The following TEX9 variants were observed in gnomAD, a reference collection of about 807,000 sequenced individuals.
TEX9 encodes testis expressed 9.
Under a neutral mutation model 59.6 loss-of-function variants are expected in TEX9, and 74 were observed. The ratio of observed to expected loss-of-function variants is 1.24; its 90% CI spans 1.03 to 1.51. The LOEUF (loss-of-function observed/expected upper bound fraction) is 1.51. TEX9 is among the 40% of genes most tolerant of loss of function. The pLI is 0.00. For synonymous variants in TEX9, 186 were observed against 152.2 expected (o/e 1.22, Z -1.64); for missense variants, 522 against 447.8 (o/e 1.17, Z -1.49).
At chr15:56,348,072 G>A (rs1355618011) in intron 1 of TEX9, among the ~76,000 whole-genome samples, 4 of 152,078 alleles carry the variant, frequency 2.6e-5, no homozygotes, top group African/African-American at 9.7e-5. Context: ...CTGTATCGAT[G>A]TCAGTATCCT....
chr15:56,444,411 T>C (rs2050871677), intron 12 of TEX9: 1 of 1,563,092 alleles, frequency 6.4e-7, no homozygotes, highest in African/African-American at 1.4e-5. Flanking sequence ...AAAGTAAACA[T>C]TTAGACATGT....
intron 12 of TEX9, among the ~76,000 whole-genome samples, chr15:56,440,809 C>T (rs2050804074): frequency 6.6e-6 from 1 of 152,114 alleles, no homozygotes; most frequent in South Asian, 2.1e-4. Context: ...TTAGCATGAT[C>T]AGTCTGTCAT....
chr15:56,411,388 A>C (rs1436556531), intron 9 of TEX9, among the ~76,000 whole-genome samples: 2 of 149,846 alleles, frequency 1.3e-5, no homozygotes, highest in Non-Finnish European at 2.9e-5. Flanking sequence ...ATGTCTCTCA[A>C]GGTGCTATAC....
rs181870349 is a variant in TEX9, at chr15:56,419,965, C to G, written c.963+7529C>G. The stretch of plus-strand genomic sequence containing the variant: ...TTCTTTAATAGATACAGAAGTATTC[C>G]TTATAGAGGCTATATTTTATTGTGT... On this transcript the variant is annotated intron_variant, in intron 10 of 12. Transcript: ENST00000352903. Among the ~76,000 whole-genome samples, 61 of 151,734 alleles carry G rather than the reference C, an allele frequency of 4.0e-4. No individual in the cohort carries two copies. The East Asian group carries it at 6.8e-3, about 17-fold the overall frequency.
intron 1 of TEX9, among the ~76,000 whole-genome samples, chr15:56,309,789 C>T (rs532053347): frequency 7.0e-4 from 93 of 132,344 alleles, no homozygotes; most frequent in African/African-American, 2.3e-3. Flanking sequence ...AACTACATTC[C>T]GATTTGTGCA....
chr15:56,409,800 C>G (rs2049261914), intron 9 of TEX9: 3 of 152,240 alleles, frequency 2.0e-5, no homozygotes, highest in Admixed American at 2.0e-4. Context: ...CCTGGCCTCC[C>G]TAAGATTTTT....
At chr15:56,269,120 T>C (rs1258936322) in intron 1 of TEX9, among the ~76,000 whole-genome samples, 1 of 152,224 alleles carries the variant, frequency 6.6e-6, no homozygotes, top group Non-Finnish European at 1.5e-5. Flanking sequence ...CAGAGGTGTT[T>C]ATAGTATTCT....
chr15:56,365,646 T>G, exon 2 of TEX9: 7 of 1,614,172 alleles, frequency 4.3e-6, no homozygotes, highest in Non-Finnish European at 5.9e-6. Context: ...GGACCCGACC[T>G]CCTCGCCTTG....
At chr15:56,402,592 G>T (rs11488881) in intron 9 of TEX9, among the ~76,000 whole-genome samples, 13,031 of 152,144 alleles carry the variant, frequency 0.086, 1,143 homozygotes, top group East Asian at 0.37. Flanking sequence ...TTCTGAAACT[G>T]TTCCAATCAA....
chr15:56,416,707 G>A (rs1318805633), intron 10 of TEX9, among the ~76,000 whole-genome samples: 2 of 151,830 alleles, frequency 1.3e-5, no homozygotes, highest in Non-Finnish European at 2.9e-5. Context: ...TTGGTATCAA[G>A]ATGATGCTGG....
At chr15:56,367,694 C>A (rs774503594) in intron 2 of TEX9, among the ~76,000 whole-genome samples, 7 of 152,162 alleles carry the variant, frequency 4.6e-5, no homozygotes, top group Non-Finnish European at 1.0e-4. Flanking sequence ...GAATATGATA[C>A]TTCTCCATTT....
chr15:56,373,227 C>T (rs1371421324), intron 2 of TEX9, among the ~76,000 whole-genome samples: 1 of 152,092 alleles, frequency 6.6e-6, no homozygotes, highest in Admixed American at 6.5e-5. Flanking sequence ...CACAGAAAGG[C>T]TAATACTTAG....
chr15:56,361,862 A>T (rs2141922718), upstream of TEX9, among the ~76,000 whole-genome samples: 1 of 152,302 alleles, frequency 6.6e-6, no homozygotes, highest in East Asian at 1.9e-4. Context: ...TAGAAGCTAG[A>T]AAGAGGCAAA....
chr15:56,390,339 A>G (rs777996466), intron 6 of TEX9, among the ~76,000 whole-genome samples: 1 of 152,062 alleles, frequency 6.6e-6, no homozygotes, highest in Non-Finnish European at 1.5e-5. Flanking sequence ...TTTTTAAAAT[A>G]AAGAGTGTAA....
At chr15:56,250,628 T>G (rs2043992822) in intron 1 of TEX9, among the ~76,000 whole-genome samples, 2 of 152,218 alleles carry the variant, frequency 1.3e-5, no homozygotes, top group Admixed American at 1.3e-4. Context: ...ATTTTATATT[T>G]GTATGTTTAC....
exon 4 of TEX9, chr15:56,383,964 G>A: frequency 1.2e-6 from 2 of 1,611,128 alleles, no homozygotes; most frequent in Non-Finnish European, 1.7e-6. Context: ...AGATCGGCAA[G>A]AAGTACGATC....
chr15:56,423,553 C>T (rs556177627), intron 10 of TEX9, among the ~76,000 whole-genome samples: 1 of 152,122 alleles, frequency 6.6e-6, no homozygotes, highest in South Asian at 2.1e-4. Context: ...CCATGCAACC[C>T]ACTTAAAATA....
intron 1 of TEX9, among the ~76,000 whole-genome samples, chr15:56,292,350 T>C (rs1313506303): frequency 7.9e-5 from 12 of 152,184 alleles, no homozygotes; most frequent in Admixed American, 7.8e-4. Flanking sequence ...ATGAACACAC[T>C]GGCAGAGAGC....
intron 1 of TEX9, among the ~76,000 whole-genome samples, chr15:56,330,228 C>A (rs1891619024): frequency 6.6e-6 from 1 of 152,098 alleles, no homozygotes; most frequent in Admixed American, 6.5e-5. Flanking sequence ...CCCTGACAAA[C>A]AGAAGCTAAG....
Sources: gnomAD v4.1 joint callset for allele counts (sites outside exome capture counted in the v4.1 genomes callset) on GRCh38, gnomAD v4.1.1 for gene constraint, MANE v1.5 for transcripts, NCBI Gene and HGNC (gene_info 2026-07-23, HGNC 2026-07-21) for gene names.